Variants in TSHZ3 observed in about 807,000 individuals in gnomAD.
TSHZ3 encodes the protein teashirt zinc finger homeobox 3.
Under a neutral mutation model 64.5 loss-of-function variants are expected in TSHZ3, and 10 were observed. That is an observed-to-expected ratio of 0.16 (90% CI 0.10 to 0.26). The LOEUF is 0.26. TSHZ3 is among the 10% of genes least tolerant of loss of function. The pLI is 1.00. For missense variants in TSHZ3, 1,242 were observed against 1,421.7 expected (o/e 0.87, Z 2.03); for synonymous variants, 608 against 593.1 (o/e 1.03, Z -0.36).
chr19:31,201,510 G>C (rs887891901), intron 5 of TSHZ3, among the ~76,000 whole-genome samples: 1 of 152,140 alleles, frequency 6.6e-6, no homozygotes, highest in Non-Finnish European at 1.5e-5. Flanking sequence ...AAATATCAAT[G>C]ATTTTGGGGA....
At chr19:31,159,090 CCTGGGTTCAGGCAATT>C (rs1974339881) in intron 5 of TSHZ3, among the ~76,000 whole-genome samples, 1 of 152,208 alleles carries the variant, frequency 6.6e-6, no homozygotes, top group African/African-American at 2.4e-5. Flanking sequence ...ACCTCCGCCT[CCTGGGTTCAGGCAATT>C]CTCCTGCCTC....
rs1976228351 is a variant in TSHZ3 at position 31,276,178 on chromosome 19, G to A, written c.*369C>T. The A allele has an allele frequency of 5.9e-6, 1 of 169,786 alleles. No homozygotes were observed. Among genetic ancestry groups the A allele is most frequent in the Non-Finnish European group, 1.2e-5 (1 of 80,050 alleles). 10.5% of individuals were successfully genotyped at this position (169,786 alleles called of 1,614,324 possible). On this transcript the variant is annotated 3_prime_UTR_variant, in exon 2 of 2. Coordinates refer to ENST00000240587, the MANE Select transcript of TSHZ3 (RefSeq NM_020856.4). ...GTACTCAGAGGGCTAAAGATGAAAG[G>A]GTGAGAAATGCCAGCACACTCGAGT...
chr19:31,246,496 T>G (rs995624640), intron 1 of TSHZ3, among the ~76,000 whole-genome samples: 18 of 152,122 alleles, frequency 1.2e-4, no homozygotes, highest in African/African-American at 4.1e-4. Flanking sequence ...TTTCTCATTG[T>G]TGGAGAAAGG....
intron 1 of TSHZ3, among the ~76,000 whole-genome samples, chr19:31,304,642 A>T (rs974959984): frequency 6.6e-6 from 1 of 152,170 alleles, no homozygotes; most frequent in African/African-American, 2.4e-5. Context: ...TGTGAGATTT[A>T]AATATTTTAT....
At position 31,324,468 on chromosome 19, in the gene TSHZ3, G is replaced by C. The variant is rs567613004; in HGVS notation, c.40+24712C>G. Among the ~76,000 whole-genome samples, 160 of 152,330 alleles carry C rather than the reference G, an allele frequency of 1.1e-3. 2 individuals carry two copies. In the South Asian group the frequency reaches 0.032, roughly 31 times the overall value. On this transcript the variant is annotated intron_variant, in intron 1 of 1. Transcript: ENST00000240587. ...TAACACGATGAAGGCTTCAAATTCAGACACAAGTTTCCAACACTGCAGCAT... is the reference window on the plus strand; with the variant it reads ...TAACACGATGAAGGCTTCAAATTCACACACAAGTTTCCAACACTGCAGCAT...
chr19:31,153,672 C>T (rs993861152), intron 6 of TSHZ3, among the ~76,000 whole-genome samples: 9 of 152,128 alleles, frequency 5.9e-5, no homozygotes, highest in African/African-American at 1.4e-4. Context: ...GAGCTTTGTC[C>T]TTCTTGTTTG....
intron 5 of TSHZ3, among the ~76,000 whole-genome samples, chr19:31,170,880 T>C (rs187799564): frequency 6.6e-6 from 1 of 152,342 alleles, no homozygotes; most frequent in East Asian, 1.9e-4. Flanking sequence ...AAACAAACTT[T>C]CAAACTGTCT....
chr19:31,248,129 G>A lies in TSHZ3; in HGVS notation n.64-5254C>T, dbSNP rs572964905. Among the ~76,000 whole-genome samples, 9 of 152,182 alleles carry A rather than the reference G, an allele frequency of 5.9e-5. No individual in the cohort carries two copies. The East Asian group carries it at 1.6e-3, about 26-fold the overall frequency. On this transcript the variant is annotated intron_variant and non_coding_transcript_variant, in intron 1 of 6. Coordinates refer to the TSHZ3 transcript ENST00000651361. ...CTCACTACCACGAGAACAGTATGGG[G>A]GAAACCTCCTGCACGATTCACTTAT...
At chr19:31,189,984 C>G (rs1229999046) in intron 5 of TSHZ3, among the ~76,000 whole-genome samples, 1 of 152,092 alleles carries the variant, frequency 6.6e-6, no homozygotes, top group Non-Finnish European at 1.5e-5. Flanking sequence ...ATAGCCTTTT[C>G]TCTAAATCTC....
chr19:31,345,453 C>T (rs1334896686), intron 1 of TSHZ3, among the ~76,000 whole-genome samples: 1 of 152,150 alleles, frequency 6.6e-6, no homozygotes, highest in Non-Finnish European at 1.5e-5. Context: ...TTAGGCATGC[C>T]CATGTCTACT....
exon 4 of TSHZ3, among the ~76,000 whole-genome samples, chr19:31,228,090 C>T (rs528526620): frequency 2.6e-5 from 4 of 152,304 alleles, no homozygotes; most frequent in South Asian, 4.1e-4. Flanking sequence ...GAGTCATCTT[C>T]TTAAACTTCA....
intron 1 of TSHZ3, among the ~76,000 whole-genome samples, chr19:31,317,398 T>A (rs1468962386): frequency 6.6e-6 from 1 of 152,160 alleles, no homozygotes; most frequent in Non-Finnish European, 1.5e-5. Flanking sequence ...TGGGGCAAGA[T>A]GCAAAGAGCT....
chr19:31,314,514 T>C (rs1365558104), intron 1 of TSHZ3, among the ~76,000 whole-genome samples: 1 of 152,232 alleles, frequency 6.6e-6, no homozygotes, highest in Non-Finnish European at 1.5e-5. Flanking sequence ...GCATTGTGAA[T>C]CATTTCTAAT....
At chr19:31,270,417 C>A (rs1976119128), downstream of TSHZ3, among the ~76,000 whole-genome samples, 1 of 152,196 alleles carries the variant, frequency 6.6e-6, no homozygotes, top group Non-Finnish European at 1.5e-5. Context: ...GAGATTCTCC[C>A]AGTCCTGCCT....
intron 4 of TSHZ3, among the ~76,000 whole-genome samples, chr19:31,216,831 AT>A (rs1436365249): frequency 4.6e-5 from 7 of 150,790 alleles, no homozygotes; most frequent in Middle Eastern, 6.9e-3. Flanking sequence ...TTTATTTTTT[AT>A]TTTTTTGTAG....
chr19:31,202,581 A>T (rs1398407940), intron 5 of TSHZ3, among the ~76,000 whole-genome samples: 1 of 152,120 alleles, frequency 6.6e-6, no homozygotes, highest in African/African-American at 2.4e-5. Flanking sequence ...TAGTTAGATC[A>T]CTTCCAATTT....
rs1162751175 is a variant in TSHZ3, at chr19:31,279,532, G to A, written c.261C>T (p.Asp87=). The change falls in exon 2 of 2, where the codon GAC becomes GAT. Residue 87 remains aspartate, a synonymous_variant. Coordinates refer to ENST00000240587, the MANE Select transcript of TSHZ3 (RefSeq NM_020856.4). This position sits in a 1 kb window ranked among gnomAD's most constrained non-coding sequence, Gnocchi z 6.4. Reference sequence around the variant, plus strand: ...CGTTCTTGATGGAGCCGCTTTCAAAGTCAGCCATTCGGTCACTGGTCTCAC... The same window carrying A: ...CGTTCTTGATGGAGCCGCTTTCAAAATCAGCCATTCGGTCACTGGTCTCAC... The part of the protein sequence containing the change: ...HISETSDRMA[D]FESGSIKNEE... 2.5e-6 allele frequency: 4 copies of A among 1,611,462 alleles called. No homozygotes were observed. The highest frequency in any genetic ancestry group is 1.3e-5 in the African/African-American group (1 of 74,878).
chr19:31,175,035 C>G (rs1179048646), intron 5 of TSHZ3, among the ~76,000 whole-genome samples: 1 of 152,220 alleles, frequency 6.6e-6, no homozygotes, highest in Non-Finnish European at 1.5e-5. Context: ...CCAGGCTGGG[C>G]TTTCCTGGAA....
intron 5 of TSHZ3, among the ~76,000 whole-genome samples, chr19:31,164,295 G>A (rs548858827): frequency 1.6e-4 from 24 of 152,242 alleles, no homozygotes; most frequent in Middle Eastern, 3.4e-3. Flanking sequence ...CTGGGGACGC[G>A]CTGTTGACCT....
Sources: gnomAD v4.1 joint callset for allele counts (sites outside exome capture counted in the v4.1 genomes callset) on GRCh38, gnomAD v4.1.1 for gene constraint, Gnocchi (gnomAD v3.1) non-coding constraint, MANE v1.5 for transcripts, NCBI Gene and HGNC (gene_info 2026-07-23, HGNC 2026-07-21) for gene names.